Variants in DOP1B observed in about 807,000 individuals in gnomAD.
DOP1B encodes the protein DOP1 leucine zipper like protein B, also known as protein DOP1B.
A neutral mutation model predicts 233.5 loss-of-function variants in DOP1B; 174 were observed. The observed-to-expected ratio is 0.75, with a 90% CI of 0.66 to 0.85. The LOEUF is 0.85. Among genes scored for constraint, DOP1B ranks in the 40% least tolerant of loss-of-function variants. DOP1B has a pLI of 0.00. For synonymous variants in DOP1B, 1,190 were observed against 1,185.6 expected (o/e 1.00, Z -0.08); for missense variants, 2,652 against 2,846.6 (o/e 0.93, Z 1.56).
intron 13 of DOP1B, among the ~76,000 whole-genome samples, chr21:36,228,774 T>TAAATAAAATAAAATAAAATA (rs200418493): frequency 4.3e-5 from 6 of 140,462 alleles, no homozygotes; most frequent in African/African-American, 1.6e-4. Flanking sequence ...TCAAAATAAA[T>TAAATAAAATAAAATAAAATA]AAATAAAATA....
At chr21:36,287,472 G>A (rs1367276974) in intron 32 of DOP1B, among the ~76,000 whole-genome samples, 2 of 151,990 alleles carry the variant, frequency 1.3e-5, no homozygotes, top group South Asian at 2.1e-4. Context: ...GCAGGGGGAC[G>A]GCCTGTGGGA....
At position 36,200,317 on chromosome 21, in the gene DOP1B, G is replaced by A. The variant is rs557814215; in HGVS notation, c.321-14G>A. On this transcript the variant is annotated splice_polypyrimidine_tract_variant and intron_variant, in intron 3 of 36. Coordinates refer to ENST00000691173, the MANE Select transcript of DOP1B (RefSeq NM_001320714.2). ...TCTTATTTCTGCCCCGCTCCCTCTC[G>A]TTCTTTCTCGAAGCTGCGGGTTATT... is the stretch of plus-strand genomic sequence containing the variant. 10 of 1,575,832 alleles carry A rather than the reference G, an allele frequency of 6.3e-6. No homozygotes were observed. In the East Asian group the frequency reaches 6.8e-5, roughly 11 times the overall value.
At chr21:36,242,605 G>T (rs894844634) in intron 18 of DOP1B, among the ~76,000 whole-genome samples, 1 of 152,072 alleles carries the variant, frequency 6.6e-6, no homozygotes, top group African/African-American at 2.4e-5. Flanking sequence ...GAGCTACTAC[G>T]CCTGGCCTTC....
At chr21:36,228,148 G>A (rs1166342357) in intron 13 of DOP1B, among the ~76,000 whole-genome samples, 2 of 151,996 alleles carry the variant, frequency 1.3e-5, no homozygotes, top group Admixed American at 1.3e-4. Context: ...GGGCAACATA[G>A]CAAGCCTTCA....
chr21:36,171,977 G>A (rs1383085668), intron 2 of DOP1B, among the ~76,000 whole-genome samples: 1 of 152,212 alleles, frequency 6.6e-6, no homozygotes, highest in Non-Finnish European at 1.5e-5. Context: ...GGGAAGTGGG[G>A]TATGGAGGAA....
At chr21:36,226,898 T>G (rs1402899223) in intron 12 of DOP1B, among the ~76,000 whole-genome samples, 2 of 152,162 alleles carry the variant, frequency 1.3e-5, no homozygotes, top group Non-Finnish European at 2.9e-5. Context: ...ACGCCTAGTC[T>G]TCTTTTGTTT....
rs573640558 is a variant in DOP1B, at chr21:36,223,409, T to G, written c.1370+59T>G. Reference sequence around the variant, plus strand: ...GGAAGGATGAGAGGGTTTAATAATTTTGTAGCTGCTTAGAATATCAGATTA... The same window carrying G: ...GGAAGGATGAGAGGGTTTAATAATTGTGTAGCTGCTTAGAATATCAGATTA... On this transcript the variant is annotated intron_variant, in intron 11 of 36. Coordinates refer to ENST00000691173, the MANE Select transcript of DOP1B (RefSeq NM_001320714.2). 3.1e-5 allele frequency: 48 copies of G among 1,569,340 alleles called. No homozygotes were observed. The South Asian group carries it at 4.5e-4, about 15-fold the overall frequency.
At chr21:36,176,743 T>G (rs1438924836) in intron 2 of DOP1B, among the ~76,000 whole-genome samples, 1 of 152,208 alleles carries the variant, frequency 6.6e-6, no homozygotes, top group East Asian at 1.9e-4. Context: ...TCCATTTGTC[T>G]CTGGCAGTGT....
chr21:36,243,041 G>A (rs780251317), intron 18 of DOP1B, among the ~76,000 whole-genome samples: 3 of 149,152 alleles, frequency 2.0e-5, no homozygotes, highest in Non-Finnish European at 4.4e-5. Context: ...GTGCAGTGGC[G>A]CAATCTTGGT....
intron 28 of DOP1B, 84 bp downstream of exon 28, chr21:36,277,184 G>A: frequency 7.0e-7 from 1 of 1,420,996 alleles, no homozygotes. Context: ...ATTCCCAGGT[G>A]CCAGTGAGCG....
At chr21:36,175,468 G>T (rs1054424083) in intron 2 of DOP1B, among the ~76,000 whole-genome samples, 2 of 152,032 alleles carry the variant, frequency 1.3e-5, no homozygotes, top group African/African-American at 4.8e-5. Flanking sequence ...CACCCTAACT[G>T]CTTCATTCTA....
chr21:36,241,675 AT>A (rs1412598312), intron 18 of DOP1B, among the ~76,000 whole-genome samples: 4 of 120,436 alleles, frequency 3.3e-5, no homozygotes, highest in Non-Finnish European at 5.2e-5. Flanking sequence ...TGCCTGGCTA[AT>A]TTTTTTTTCT....
At chr21:36,191,901 G>C (rs1171031998) in intron 2 of DOP1B, among the ~76,000 whole-genome samples, 1 of 152,056 alleles carries the variant, frequency 6.6e-6, no homozygotes, top group African/African-American at 2.4e-5. Context: ...ATGGCCTAAA[G>C]TTGACCATTC....
intron 4 of DOP1B, among the ~76,000 whole-genome samples, chr21:36,203,007 C>G (rs1480929973): frequency 1.3e-5 from 2 of 152,222 alleles, no homozygotes; most frequent in South Asian, 4.1e-4. Context: ...CATTAGTTCC[C>G]TAAAGCTTAC....
At chr21:36,165,204 A>G (rs923645402) in intron 2 of DOP1B, among the ~76,000 whole-genome samples, 3 of 152,190 alleles carry the variant, frequency 2.0e-5, no homozygotes, top group African/African-American at 7.2e-5. Context: ...TCTTTTTCTT[A>G]ACAATGTTAA....
rs778870465 is a variant in DOP1B at position 36,230,872 on chromosome 21, G to T, written c.2088G>T (p.Leu696=). The T allele has an allele frequency of 1.9e-6, 3 of 1,614,132 alleles. No individual in the cohort carries two copies. The highest frequency in any genetic ancestry group is 1.7e-6 in the Non-Finnish European group (2 of 1,180,002). ...CTGTGCCTCAGTTCAAGCAGATGCT[G>T]TCAGACTTGTTCACAGCACGAGGGT... ...PITVPQFKQM[L]SDLFTARGSP... The change falls in exon 14 of 37, where the codon CTG becomes CTT. Residue 696 remains leucine (L), a synonymous_variant. Transcript: ENST00000691173.
At chr21:36,170,192 A>C in intron 2 of DOP1B, 1 of 441,322 alleles carries the variant, frequency 2.3e-6, no homozygotes, top group Non-Finnish European at 4.2e-6. Context: ...ACACAATCAA[A>C]TTCCACCGGT....
Position 36,280,266 on chromosome 21 carries a change from T to A in DOP1B, c.5970-19T>A. The A allele has an allele frequency of 6.4e-7, 1 of 1,558,368 alleles. No individual in the cohort carries two copies. Among genetic ancestry groups the A allele is most frequent in the Non-Finnish European group, 8.8e-7 (1 of 1,135,858 alleles). ...CATCCACTGCAAATTTAATTGATTT[T>A]GCTTTCTTTAATATCCAGTTGGAAG... On this transcript the variant is annotated intron_variant, in intron 30 of 36. Coordinates refer to ENST00000691173, the MANE Select transcript of DOP1B (RefSeq NM_001320714.2).
chr21:36,286,197 T>A (rs1165256917), intron 32 of DOP1B, among the ~76,000 whole-genome samples: 1 of 151,932 alleles, frequency 6.6e-6, no homozygotes, highest in African/African-American at 2.4e-5. Context: ...TGGGAAGATG[T>A]AGGTGAAAGG....
Sources: gnomAD v4.1 joint callset for allele counts (sites outside exome capture counted in the v4.1 genomes callset) on GRCh38, gnomAD v4.1.1 for gene constraint, MANE v1.5 for transcripts, NCBI Gene and HGNC (gene_info 2026-07-23, HGNC 2026-07-21) for gene names.